CCDC6: variants seen among roughly 807,000 people sequenced by gnomAD.
CCDC6 encodes the protein coiled-coil domain-containing protein 6.
A neutral mutation model predicts 56.6 loss-of-function variants in CCDC6; 20 were observed. The observed-to-expected ratio is 0.35, with a 90% CI of 0.25 to 0.51. The LOEUF is 0.51. Among genes scored for constraint, CCDC6 ranks in the 20% least tolerant of loss-of-function variants. CCDC6 has a pLI of 0.95. For synonymous variants in CCDC6, 241 were observed against 234.4 expected, an observed-to-expected ratio of 1.03 and a Z score of -0.26; for missense variants, 367 against 601.1, an observed-to-expected ratio of 0.61 and a Z score of 4.07.
chr10:59,859,199 C>CGCGTGTGTGTGTGT (rs1554885847), intron 1 of CCDC6, among the ~76,000 whole-genome samples: 7 of 137,188 alleles, frequency 5.1e-5, no homozygotes, highest in African/African-American at 1.9e-4. Context: ...CATGTGTGTG[C>CGCGTGTGTGTGTGT]GTGTGTGTGT....
In CCDC6 at chr10:59,906,477, G is replaced by C; in HGVS notation, c.-53C>G. 1 of 1,411,690 alleles carries C rather than the reference G, an allele frequency of 7.1e-7. No individual in the cohort carries two copies. Among genetic ancestry groups the C allele is most frequent in the Non-Finnish European group, 9.2e-7 (1 of 1,088,684 alleles). 87.4% of individuals were successfully genotyped at this position (1,411,690 alleles called of 1,614,324 possible). A position where few individuals can be genotyped will look rare whatever the true frequency, so the allele number is the denominator to read the frequency against. ...GGAGCAGCAGGGAGGCGGCGGCGAC[G>C]AAGGCCGGGCTGCGAATGAGTGGGC... On this transcript the variant is annotated 5_prime_UTR_variant, in exon 1 of 9. Transcript: ENST00000263102.
chr10:59,794,400 T>A (rs1413542451), intron 8 of CCDC6, 73 bp downstream of exon 8: 4 of 1,506,746 alleles, frequency 2.7e-6, no homozygotes, highest in Non-Finnish European at 3.7e-6. Context: ...AGGGCACCGA[T>A]CCTGTTCTCC....
intron 1 of CCDC6, among the ~76,000 whole-genome samples, chr10:59,853,562 G>A (rs2071056559): frequency 6.6e-6 from 1 of 151,674 alleles, no homozygotes; most frequent in African/African-American, 2.4e-5. Flanking sequence ...AAAAATAAAA[G>A]GCATTACAAA....
At chr10:59,806,779 T>C (rs777288738) in intron 6 of CCDC6, 143 bp downstream of exon 6, 16 of 599,774 alleles carry the variant, frequency 2.7e-5, no homozygotes, top group Non-Finnish European at 3.9e-5. Context: ...TGGCATCTAC[T>C]ATAACGCAGT....
chr10:59,904,485 C>A (rs2071527823), intron 1 of CCDC6, among the ~76,000 whole-genome samples: 1 of 152,214 alleles, frequency 6.6e-6, no homozygotes, highest in African/African-American at 2.4e-5. Flanking sequence ...TTCCATGGCT[C>A]ACAGTCTCCA....
At chr10:59,860,412 G>A (rs910380070) in intron 1 of CCDC6, among the ~76,000 whole-genome samples, 5 of 152,130 alleles carry the variant, frequency 3.3e-5, no homozygotes, top group Admixed American at 6.5e-5. Context: ...CAGAAGAACT[G>A]AGAACCATTC....
chr10:59,850,658 C>T (rs2071031134), intron 2 of CCDC6, among the ~76,000 whole-genome samples: 1 of 152,102 alleles, frequency 6.6e-6, no homozygotes, highest in South Asian at 2.1e-4. Context: ...TAGAAAGATC[C>T]ACTATCCACT....
At chr10:59,845,012 T>C (rs1046752596) in intron 2 of CCDC6, among the ~76,000 whole-genome samples, 1 of 152,242 alleles carries the variant, frequency 6.6e-6, no homozygotes, top group African/African-American at 2.4e-5. Flanking sequence ...CTGGGCTGAC[T>C]GTAAATTGTT....
At chr10:59,872,037 T>A (rs1193909045) in intron 1 of CCDC6, among the ~76,000 whole-genome samples, 2 of 152,204 alleles carry the variant, frequency 1.3e-5, no homozygotes, top group Non-Finnish European at 2.9e-5. Flanking sequence ...ATGTTATCCA[T>A]CCCTTGTAAC....
chr10:59,811,737 T>C (rs2070674387), intron 5 of CCDC6, among the ~76,000 whole-genome samples: 1 of 152,082 alleles, frequency 6.6e-6, no homozygotes, highest in Admixed American at 6.5e-5. Flanking sequence ...GCCTTCCACA[T>C]GTACAGGTTT....
chr10:59,791,879 G>A lies in CCDC6; in HGVS notation c.*1038C>T. On this transcript the variant is annotated 3_prime_UTR_variant, in exon 9 of 9. Transcript: ENST00000263102. ...AATGAACAGCCATCAATGCTAATGT[G>A]CTACTTTCCTTTAGACCTTATTTTC... The A allele has an allele frequency of 4.6e-6, 1 of 219,632 alleles. No homozygotes were observed. The highest frequency in any genetic ancestry group is 6.8e-5 in the East Asian group (1 of 14,686). The allele number at this position is 219,632 out of a possible 1,614,324, so 13.6% of individuals were successfully genotyped here. A position where few individuals can be genotyped will look rare whatever the true frequency, so the allele number is the denominator to read the frequency against.
chr10:59,837,719 C>G (rs537177643), intron 2 of CCDC6, among the ~76,000 whole-genome samples: 47 of 126,114 alleles, frequency 3.7e-4, no homozygotes, highest in African/African-American at 1.4e-3. Flanking sequence ...GCACTCTAGC[C>G]TGGGCAACAA....
rs181333249 is a variant in CCDC6, at chr10:59,854,208, C to T, written c.304-1506G>A. ...AAAAGGCTCCGACAATCAATCCCAA[C>T]TCTGGCAGTTTCGATTTCTGTATAT... On this transcript the variant is annotated intron_variant, in intron 1 of 8. Coordinates refer to ENST00000263102, the MANE Select transcript of CCDC6 (RefSeq NM_005436.5). Among the ~76,000 whole-genome samples the T allele has an allele frequency of 3.3e-5, 5 of 152,250 alleles. No individual in the cohort carries two copies. In the East Asian group the frequency reaches 7.8e-4, roughly 24 times the overall value.
At chr10:59,809,217 C>T (rs200414025) in intron 5 of CCDC6, among the ~76,000 whole-genome samples, 2 of 152,134 alleles carry the variant, frequency 1.3e-5, no homozygotes, top group East Asian at 3.9e-4. Context: ...CATAATAGGA[C>T]TCTTATAATG....
intron 1 of CCDC6, among the ~76,000 whole-genome samples, chr10:59,878,992 G>A (rs375291149): frequency 5.3e-5 from 8 of 152,298 alleles, no homozygotes; most frequent in South Asian, 2.1e-4. Flanking sequence ...AGCAGGTACC[G>A]TATAAATTAG....
rs1158489767 is a variant in CCDC6 at position 59,792,263 on chromosome 10, G to T, written c.*654C>A. ...TAATTATCCATCCCATTTATGTGGA[G>T]AAGGTACAGCCACATGATTCATTAC... On this transcript the variant is annotated 3_prime_UTR_variant, in exon 9 of 9. Transcript: ENST00000263102. 6 of 297,324 alleles carry T rather than the reference G, an allele frequency of 2.0e-5. No homozygotes were observed. Among genetic ancestry groups the T allele is most frequent in the Non-Finnish European group, 3.8e-5 (6 of 156,744 alleles). 18.4% of individuals were successfully genotyped at this position (297,324 alleles called of 1,614,324 possible).
At chr10:59,882,380 CCGCGGGGAGAAGGAAAGGAAAGCCAGG>C (rs2071346481) in intron 1 of CCDC6, among the ~76,000 whole-genome samples, 1 of 10,590 alleles carries the variant, frequency 9.4e-5, no homozygotes, top group Non-Finnish European at 1.8e-4. Flanking sequence ...GAAAGGAAAG[CCGCGGGGAGAAGGAAAGGAAAGCCAGG>C]GGGAGAAGGA....
chr10:59,802,695 T>G (rs184045684), intron 7 of CCDC6, among the ~76,000 whole-genome samples: 39 of 152,348 alleles, frequency 2.6e-4, no homozygotes, highest in African/African-American at 9.4e-4. Flanking sequence ...ACACTTGATG[T>G]AGGTCCCACT....
At chr10:59,894,892 T>A (rs2132684884) in intron 1 of CCDC6, among the ~76,000 whole-genome samples, 1 of 152,172 alleles carries the variant, frequency 6.6e-6, no homozygotes, top group South Asian at 2.1e-4. Flanking sequence ...CTGGCAACAC[T>A]CCCTTAGGCC....
Sources: allele counts gnomAD v4.1 joint callset (sites outside exome capture counted in the v4.1 genomes callset), GRCh38; gene constraint gnomAD v4.1.1; transcripts MANE v1.5; gene names NCBI Gene and HGNC (gene_info 2026-07-23, HGNC 2026-07-21).